The following EBF1 variants were observed in gnomAD, a reference collection of about 807,000 sequenced individuals.
The protein encoded by EBF1 is EBF transcription factor 1.
In EBF1, 10 loss-of-function variants were observed where a neutral mutation model predicts 68.4. The ratio of observed to expected loss-of-function variants is 0.15; its 90% CI spans 0.09 to 0.25. The LOEUF (loss-of-function observed/expected upper bound fraction) is 0.25, where lower values mean the gene tolerates loss of function less well. EBF1 is among the 10% of genes least tolerant of loss of function. EBF1 has a pLI of 1.00. For synonymous variants in EBF1, 298 were observed against 299.8 expected (o/e 0.99, Z 0.06); for missense variants, 509 against 794.4 (o/e 0.64, Z 4.32).
At position 158,875,785 on chromosome 5, in the gene EBF1, GCCT is replaced by G. The variant is rs1022921724; in HGVS notation, c.555-35678_555-35676del. Among the ~76,000 whole-genome samples the G allele has an allele frequency of 1.2e-4, 18 of 152,280 alleles. No individual in the cohort carries two copies. In the South Asian group the frequency reaches 1.5e-3, roughly 12 times the overall value. On this transcript the variant is annotated intron_variant, in intron 6 of 15. Coordinates refer to ENST00000313708, the MANE Select transcript of EBF1 (RefSeq NM_024007.5). ...AGATTAGCATTCATCATTTTTACCT[GCCT>G]CCTATTTACATATACCCAGATGATA...
chr5:158,789,556 A>G (rs1401206369), intron 9 of EBF1, among the ~76,000 whole-genome samples: 4 of 152,206 alleles, frequency 2.6e-5, no homozygotes, highest in African/African-American at 9.6e-5. Flanking sequence ...TGGTATAACC[A>G]AAAGCTGAAT....
chr5:158,840,287 C>G (rs999555516), intron 6 of EBF1, among the ~76,000 whole-genome samples, 177 bp from the exon 7 acceptor site: 3 of 152,222 alleles, frequency 2.0e-5, no homozygotes, highest in African/African-American at 7.2e-5. Context: ...TGTTTCCACG[C>G]TGGACCTTCC....
At chr5:158,754,821 T>A (rs540911502) in intron 10 of EBF1, among the ~76,000 whole-genome samples, 1 of 152,252 alleles carries the variant, frequency 6.6e-6, no homozygotes, top group African/African-American at 2.4e-5. Flanking sequence ...AGTATTTAGA[T>A]GACAATGGAT....
intron 6 of EBF1, among the ~76,000 whole-genome samples, chr5:159,028,829 C>T (rs1768213161): frequency 6.6e-6 from 1 of 152,120 alleles, no homozygotes; most frequent in East Asian, 1.9e-4. Flanking sequence ...GGTTATTCTG[C>T]AGGAAAAGTT....
At chr5:159,037,799 A>C (rs1289655068) in intron 6 of EBF1, among the ~76,000 whole-genome samples, 1 of 152,072 alleles carries the variant, frequency 6.6e-6, no homozygotes, top group African/African-American at 2.4e-5. Flanking sequence ...TAAAACTTAA[A>C]GTATAATAAT....
At chr5:158,887,026 T>G (rs1236802107) in intron 6 of EBF1, among the ~76,000 whole-genome samples, 2 of 152,126 alleles carry the variant, frequency 1.3e-5, no homozygotes, top group Non-Finnish European at 1.5e-5. Context: ...GACTTTATAT[T>G]AACAGAAGAG....
At chr5:158,707,111 A>G (rs1263371006) in intron 15 of EBF1, among the ~76,000 whole-genome samples, 1 of 152,228 alleles carries the variant, frequency 6.6e-6, no homozygotes, top group Non-Finnish European at 1.5e-5. Flanking sequence ...AGGCAATTTC[A>G]TAACCTCTCT....
rs1211160649 is a variant in EBF1, at chr5:158,712,188, G to A, written c.1515C>T (p.Phe505=). 2.5e-6 allele frequency: 4 copies of A among 1,613,878 alleles called. No homozygotes were observed. The highest frequency in any genetic ancestry group is 1.1e-5 in the South Asian group (1 of 90,964). ...GGGAGTTGGCAGCTGAGCCGTTGAG[G>A]AAGGTGGGGGAGCCGCCCAAATTGG... ...AMSNLGGSPT[F]LNGSAANSPY... is the part of the protein sequence containing the mutation. Residue 505 remains phenylalanine, a synonymous_variant, in exon 14 of 16, where the codon TTC becomes TTT. Transcript: ENST00000313708.
At chr5:158,838,183 C>T (rs906660335) in intron 7 of EBF1, among the ~76,000 whole-genome samples, 4 of 151,980 alleles carry the variant, frequency 2.6e-5, no homozygotes, top group Non-Finnish European at 4.4e-5. Context: ...CAGTGGCTCA[C>T]GCCTGTAATT....
intron 8 of EBF1, among the ~76,000 whole-genome samples, chr5:158,801,294 G>C (rs1013148895): frequency 6.6e-6 from 1 of 152,058 alleles, no homozygotes; most frequent in Non-Finnish European, 1.5e-5. Context: ...GGTACTGCAA[G>C]GCACAAAATG....
intron 6 of EBF1, among the ~76,000 whole-genome samples, chr5:158,935,152 G>A (rs371639126): frequency 3.9e-5 from 6 of 152,278 alleles, no homozygotes; most frequent in South Asian, 2.1e-4. Context: ...GGAGGTGCTC[G>A]GGCAGGCAAG....
intron 7 of EBF1, among the ~76,000 whole-genome samples, chr5:158,834,649 T>C (rs1266352380): frequency 6.6e-6 from 1 of 152,228 alleles, no homozygotes; most frequent in East Asian, 1.9e-4. Flanking sequence ...CCTGTGTAAT[T>C]AAGCAATCTC....
chr5:158,838,932 A>G (rs1462843311), intron 7 of EBF1, among the ~76,000 whole-genome samples: 2 of 152,170 alleles, frequency 1.3e-5, no homozygotes. Flanking sequence ...AAAACTTTGC[A>G]ACTCAAAGTG....
At chr5:158,841,455 G>A (rs929388962) in intron 6 of EBF1, among the ~76,000 whole-genome samples, 12 of 152,190 alleles carry the variant, frequency 7.9e-5, no homozygotes, top group Non-Finnish European at 1.6e-4. Flanking sequence ...ATTTCAGGCC[G>A]AAATGTTTCC....
intron 6 of EBF1, among the ~76,000 whole-genome samples, chr5:158,844,188 CTTTTT>C (rs10640628): frequency 7.9e-6 from 1 of 126,344 alleles, no homozygotes; most frequent in African/African-American, 3.0e-5. Context: ...TAACTCAAGC[CTTTTT>C]TTTTTTTTTT....
intron 6 of EBF1, among the ~76,000 whole-genome samples, chr5:158,869,998 T>C (rs1582748339): frequency 6.6e-6 from 1 of 152,134 alleles, no homozygotes; most frequent in South Asian, 2.1e-4. Flanking sequence ...CAAATACTCA[T>C]AAAGAGCAAG....
At chr5:158,920,391 G>A (rs1310076681) in intron 6 of EBF1, among the ~76,000 whole-genome samples, 1 of 152,180 alleles carries the variant, frequency 6.6e-6, no homozygotes, top group African/African-American at 2.4e-5. Flanking sequence ...TCAACTGGAT[G>A]TGAAGGTGAA....
intron 6 of EBF1, among the ~76,000 whole-genome samples, chr5:159,061,077 T>C (rs1197156638): frequency 6.6e-6 from 1 of 152,098 alleles, no homozygotes; most frequent in African/African-American, 2.4e-5. Flanking sequence ...GAGTGTTTAG[T>C]TGAGGCAAAA....
intron 6 of EBF1, among the ~76,000 whole-genome samples, chr5:159,072,016 A>G (rs961090435): frequency 6.6e-6 from 1 of 152,344 alleles, no homozygotes; most frequent in South Asian, 2.1e-4. Flanking sequence ...ACTTATGTTC[A>G]ATCACAGAAA....
Sources: gnomAD v4.1 joint callset for allele counts (sites outside exome capture counted in the v4.1 genomes callset) on GRCh38, gnomAD v4.1.1 for gene constraint, MANE v1.5 for transcripts, NCBI Gene and HGNC (gene_info 2026-07-23, HGNC 2026-07-21) for gene names.